The following SLC13A2 variants were observed in gnomAD, a reference collection of about 807,000 sequenced individuals.
SLC13A2 encodes solute carrier family 13 member 2.
SLC13A2 carries 40 observed loss-of-function variants against 58.5 expected under a neutral mutation model. The ratio of observed to expected loss-of-function variants is 0.68; its 90% CI spans 0.53 to 0.89. The LOEUF is 0.89. Ranked by LOEUF, SLC13A2 falls within the 40% of genes least tolerant of loss-of-function variation. SLC13A2 has a pLI of 0.00. For missense variants in SLC13A2, 694 were observed against 772.6 expected, an observed-to-expected ratio of 0.90 and a Z score of 1.21; for synonymous variants, 341 against 331.6, an observed-to-expected ratio of 1.03 and a Z score of -0.31.
intron 2 of SLC13A2, 133 bp from the exon 3 acceptor site, chr17:28,490,321 A>G: frequency 6.2e-7 from 1 of 1,604,040 alleles, no homozygotes; most frequent in Non-Finnish European, 8.5e-7. Context: ...TTCAGAGACC[A>G]TTTCCATCCA....
At chr17:28,490,942 T>C (rs782093177) in intron 4 of SLC13A2, 36 bp downstream of exon 4, 18 of 1,558,042 alleles carry the variant, frequency 1.2e-5, no homozygotes, top group Non-Finnish European at 1.5e-5. Flanking sequence ...CCCCAACCCC[T>C]TGGTTCTTGG....
intron 1 of SLC13A2, among the ~76,000 whole-genome samples, chr17:28,479,256 A>G (rs2068741582): frequency 6.6e-6 from 1 of 152,206 alleles, no homozygotes; most frequent in African/African-American, 2.4e-5. Flanking sequence ...GCTCTGGGTA[A>G]AGAGCCATCC....
In SLC13A2 at chr17:28,473,904, T is replaced by C. The variant is rs574437050; in HGVS notation, c.102+90T>C. On this transcript the variant is annotated intron_variant, in intron 1 of 11. Transcript: ENST00000314669. Reference sequence around the variant, plus strand: ...GGTTGGGCATCCTTAGGATCCAGCATAACTTCCTCACTGCCCCTGCCCTGG... The same window carrying C: ...GGTTGGGCATCCTTAGGATCCAGCACAACTTCCTCACTGCCCCTGCCCTGG... 1.8e-3 allele frequency: 1,920 copies of C among 1,068,452 alleles called. 45 individuals carry two copies. The South Asian group carries it at 0.025, about 14-fold the overall frequency. The allele number at this position is 1,068,452 out of a possible 1,614,324, so 66.2% of individuals were successfully genotyped here.
At chr17:28,495,501 G>A (rs2069121320) in intron 9 of SLC13A2, among the ~76,000 whole-genome samples, 154 bp from the exon 10 acceptor site, 1 of 152,168 alleles carries the variant, frequency 6.6e-6, no homozygotes, top group South Asian at 2.1e-4. Context: ...GGCACCCCTT[G>A]GTCTTAGCTG....
At chr17:28,474,209 G>C (rs1294986470) in intron 1 of SLC13A2, among the ~76,000 whole-genome samples, 3 of 152,306 alleles carry the variant, frequency 2.0e-5, no homozygotes, top group Non-Finnish European at 4.4e-5. Context: ...CAGCAGCAGA[G>C]TGAAGAGGGT....
rs969505145 is a variant in SLC13A2, at chr17:28,493,646, G to A, written c.954G>A (p.Glu318=). ...CAGCCTACTGCGTCATCCAGACCGA[G>A]CACAGGCTGCTGGGCCCCATGACCT... ...QQAAYCVIQT[E]HRLLGPMTFA... Residue 318 remains glutamate, a synonymous_variant, in exon 7 of 12, where the codon GAG becomes GAA. Transcript: ENST00000314669. 1 of 1,614,080 alleles carries A rather than the reference G, an allele frequency of 6.2e-7. No individual in the cohort carries two copies. The highest frequency in any genetic ancestry group is 2.2e-5 in the East Asian group (1 of 44,898).
intron 1 of SLC13A2, among the ~76,000 whole-genome samples, chr17:28,480,415 G>A (rs560555434): frequency 3.5e-4 from 54 of 152,188 alleles, no homozygotes; most frequent in African/African-American, 1.3e-3. Context: ...GATTCACTTC[G>A]GGCATGAAAA....
At chr17:28,477,244 AGT>A (rs1555600128) in intron 1 of SLC13A2, among the ~76,000 whole-genome samples, 1 of 124,760 alleles carries the variant, frequency 8.0e-6, no homozygotes, top group African/African-American at 3.1e-5. Context: ...CCCAGGCTGG[AGT>A]GCAGTGGCAC....
rs782468896 is a variant in SLC13A2, at chr17:28,494,457, C to T, written c.1253C>T (p.Pro418Leu). ...LDWKTVNQKMPWNIVLLLGGG... is the reference protein window; with the variant it reads ...LDWKTVNQKMLWNIVLLLGGG... ...TGGAAGACGGTGAACCAGAAGATGC[C>T]GTGGAATATCGTGTTATTGCTGGGT... The change falls in exon 9 of 12, where the codon CCG (proline) becomes CTG (leucine). Residue 418 changes from proline to leucine, a missense_variant. Coordinates refer to ENST00000314669, the MANE Select transcript of SLC13A2 (RefSeq NM_003984.4). The surrounding 1 kb of genome is among the most constrained non-coding windows in gnomAD (Gnocchi z 4.0). 5.0e-6 allele frequency: 8 copies of T among 1,613,938 alleles called. No individual in the cohort carries two copies. The highest frequency in any genetic ancestry group is 3.3e-5 in the Admixed American group (2 of 59,994).
chr17:28,475,377 C>A (rs190597949), intron 1 of SLC13A2, among the ~76,000 whole-genome samples: 102 of 152,272 alleles, frequency 6.7e-4, no homozygotes, highest in Admixed American at 2.6e-3. Context: ...AGAGGCCAGC[C>A]CCTCTCAAGG....
chr17:28,491,913 G>A, intron 6 of SLC13A2, 61 bp downstream of exon 6: 3 of 1,578,144 alleles, frequency 1.9e-6, no homozygotes, highest in Non-Finnish European at 2.6e-6. Context: ...GGAGCTTCCA[G>A]TTGGGTGCAG....
At chr17:28,478,048 G>T (rs541688976) in intron 1 of SLC13A2, among the ~76,000 whole-genome samples, 41 of 151,900 alleles carry the variant, frequency 2.7e-4, no homozygotes, top group African/African-American at 9.7e-4. Flanking sequence ...ACAGAGCAAG[G>T]CTCAGTCTCA....
intron 1 of SLC13A2, among the ~76,000 whole-genome samples, chr17:28,484,335 A>G (rs1277621044): frequency 1.3e-5 from 2 of 152,210 alleles, no homozygotes. Context: ...CTCAAGAACC[A>G]GTAGATATCA....
chr17:28,495,568 A>T, intron 9 of SLC13A2, 87 bp from the exon 10 acceptor site: 1 of 1,312,060 alleles, frequency 7.6e-7, no homozygotes, highest in Non-Finnish European at 1.1e-6. Context: ...AGATGTTAGC[A>T]GGAGCAGGAG....
Position 28,494,072 on chromosome 17 carries a change from C to A in SLC13A2, c.1153C>A (p.Pro385Thr). The A allele has an allele frequency of 6.2e-7, 1 of 1,613,698 alleles. No homozygotes were observed. The highest frequency in any genetic ancestry group is 2.2e-5 in the East Asian group (1 of 44,852). The change falls in exon 8 of 12, where the codon CCC (proline) becomes ACC (threonine). Residue 385 changes from proline (P) to threonine (T), a missense_variant. Transcript: ENST00000314669. This position sits in a 1 kb window ranked among gnomAD's most constrained non-coding sequence, Gnocchi z 4.0. Reference protein sequence around the residue: ...IFIGIIMFIIPSKFPGLTQDP... With the variant: ...IFIGIIMFIITSKFPGLTQDP... The stretch of plus-strand genomic sequence containing the variant: ...CATCGGCATAATTATGTTCATCATA[C>A]CCTCCAAGTTCCCAGGGCTGACCCA...
intron 1 of SLC13A2, among the ~76,000 whole-genome samples, chr17:28,488,072 C>T (rs2068919576): frequency 6.6e-6 from 1 of 152,208 alleles, no homozygotes; most frequent in African/African-American, 2.4e-5. Context: ...GGGACCCCCA[C>T]ACCCACTTTA....
chr17:28,495,898 C>A lies in SLC13A2; in HGVS notation c.1470+82C>A, dbSNP rs981552596. ...GGGTTCTGCCTGCTGGGCAGAGTAT[C>A]CTGTCTTTGCACCTCCTCTTTTCCT... On this transcript the variant is annotated intron_variant, in intron 10 of 11. Transcript: ENST00000314669. 11 of 1,482,760 alleles carry A rather than the reference C, an allele frequency of 7.4e-6. 1 individual carries two copies. The highest frequency in any genetic ancestry group is 1.4e-5 in the African/African-American group (1 of 72,062). The allele number at this position is 1,482,760 out of a possible 1,614,324, so 91.9% of individuals were successfully genotyped here. A position where few individuals can be genotyped will look rare whatever the true frequency, so the allele number is the denominator to read the frequency against.
intron 3 of SLC13A2, 34 bp downstream of exon 3, chr17:28,490,624 C>T (rs781919376): frequency 1.3e-6 from 2 of 1,588,446 alleles, no homozygotes; most frequent in East Asian, 2.2e-5. Flanking sequence ...ACGGGAGAAC[C>T]TGACGAGGAG....
At chr17:28,493,336 C>T (rs2069065380) in intron 6 of SLC13A2, among the ~76,000 whole-genome samples, 1 of 152,120 alleles carries the variant, frequency 6.6e-6, no homozygotes, top group Non-Finnish European at 1.5e-5. Context: ...CACCATAGAA[C>T]CCCTGGAGGA....
Sources: gnomAD v4.1 joint callset for allele counts (sites outside exome capture counted in the v4.1 genomes callset) on GRCh38, gnomAD v4.1.1 for gene constraint, Gnocchi (gnomAD v3.1) non-coding constraint, MANE v1.5 for transcripts, NCBI Gene and HGNC (gene_info 2026-07-23, HGNC 2026-07-21) for gene names.